DRGX: variants seen among roughly 807,000 people sequenced by gnomAD.
DRGX encodes dorsal root ganglia homeobox protein.
In DRGX, 21 loss-of-function variants were observed where a neutral mutation model predicts 28.6. The ratio of observed to expected loss-of-function variants is 0.73; its 90% CI spans 0.52 to 1.06. The LOEUF (loss-of-function observed/expected upper bound fraction) is 1.06, where lower values mean the gene tolerates loss of function less well. DRGX is among the 50% of genes least tolerant of loss of function. DRGX has a pLI of 0.00. For synonymous variants in DRGX, 136 were observed against 139.1 expected (o/e 0.98, Z 0.16); for missense variants, 354 against 343.9 (o/e 1.03, Z -0.23).
rs1420277850 is a variant in DRGX, at chr10:49,386,637, G to T, written c.413+43C>A. 6 of 1,583,928 alleles carry T rather than the reference G, an allele frequency of 3.8e-6. No homozygotes were observed. In the East Asian group the frequency reaches 1.3e-4, roughly 35 times the overall value. Reference sequence around the variant, plus strand: ...ATTGAGGTCTCGCCCTGTGTCTGCAGTGCTGCCCATGGCCCACCGGGCCCA... The same window carrying T: ...ATTGAGGTCTCGCCCTGTGTCTGCATTGCTGCCCATGGCCCACCGGGCCCA... On this transcript the variant is annotated intron_variant, in intron 5 of 6. Transcript: ENST00000374139.
At chr10:49,382,598 G>T (rs1374894413) in intron 6 of DRGX, among the ~76,000 whole-genome samples, 4 of 152,122 alleles carry the variant, frequency 2.6e-5, no homozygotes, top group Admixed American at 1.3e-4. Flanking sequence ...CTACAGCCTG[G>T]GGAAACCTAA....
At chr10:49,371,383 T>C (rs973259231) in intron 6 of DRGX, among the ~76,000 whole-genome samples, 1 of 152,198 alleles carries the variant, frequency 6.6e-6, no homozygotes, top group African/African-American at 2.4e-5. Flanking sequence ...CCAGGCACAG[T>C]GGCTCGCACC....
Position 49,366,176 on chromosome 10 carries a change from A to T in DRGX, c.732T>A (p.Asp244Glu). The change falls in exon 7 of 7, where the codon GAT becomes GAA. Residue 244 changes from aspartate (D) to glutamate (E), a missense_variant. Physicochemically the swap from Asp to Glu is conservative, Grantham distance 45 (BLOSUM62 2). Coordinates refer to ENST00000374139, the MANE Select transcript of DRGX (RefSeq NM_001276451.2). ...TGGGAGAGGTCTTTTCCTGGCTGCC[A>T]TCTGGGGGCGCCGGCTTGGCGACAG... is the stretch of plus-strand genomic sequence containing the variant. ...PGPVAKPAPP[D>E]GSQEKTSPTK... 6.2e-7 allele frequency: 1 copy of T among 1,612,604 alleles called. No individual in the cohort carries two copies. The highest frequency in any genetic ancestry group is 1.1e-5 in the South Asian group (1 of 90,944).
chr10:49,388,979 G>A (rs1369326117), intron 4 of DRGX, among the ~76,000 whole-genome samples: 1 of 152,136 alleles, frequency 6.6e-6, no homozygotes, highest in Non-Finnish European at 1.5e-5. Context: ...CTTTCAGGGA[G>A]AAGTTATGAT....
chr10:49,384,339 G>T (rs1177157604), intron 6 of DRGX, among the ~76,000 whole-genome samples: 1 of 152,206 alleles, frequency 6.6e-6, no homozygotes, highest in African/African-American at 2.4e-5. Flanking sequence ...CCATGCCCCT[G>T]ACTAGTCAGG....
Position 49,395,503 on chromosome 10 carries a change from G to C in DRGX, c.-63C>G, listed in dbSNP as rs1849958229. The stretch of plus-strand genomic sequence containing the variant: ...GAGGGTGGCAGCAGAACGGACCCGC[G>C]CGCGTTGCTCCTGCCTGGCTGCAAA... On this transcript the variant is annotated 5_prime_UTR_variant, in exon 2 of 7. Coordinates refer to ENST00000374139, the MANE Select transcript of DRGX (RefSeq NM_001276451.2). 6.5e-7 allele frequency: 1 copy of C among 1,529,390 alleles called. No individual in the cohort carries two copies. Among genetic ancestry groups the C allele is most frequent in the Non-Finnish European group, 8.8e-7 (1 of 1,129,974 alleles). 94.7% of individuals were successfully genotyped at this position (1,529,390 alleles called of 1,614,324 possible). A position where few individuals can be genotyped will look rare whatever the true frequency, so the allele number is the denominator to read the frequency against.
At chr10:49,391,065 C>G (rs149887276) in intron 3 of DRGX, 99 bp downstream of exon 3, 30 of 1,287,252 alleles carry the variant, frequency 2.3e-5, no homozygotes, top group Non-Finnish European at 3.3e-5. Context: ...TTAGCATAAT[C>G]AATTGGTCTT....
intron 3 of DRGX, among the ~76,000 whole-genome samples, chr10:49,390,520 A>G (rs1282097659): frequency 6.6e-6 from 1 of 152,198 alleles, no homozygotes; most frequent in African/African-American, 2.4e-5. Context: ...TGTCATAGGA[A>G]TCAAAAAAAA....
intron 6 of DRGX, among the ~76,000 whole-genome samples, chr10:49,383,959 C>G (rs976317975): frequency 4.6e-5 from 7 of 152,252 alleles, no homozygotes; most frequent in African/African-American, 1.7e-4. Context: ...TCCAGCTACT[C>G]TGGAAAATGC....
intron 2 of DRGX, chr10:49,391,951 C>T (rs1402450791): frequency 2.8e-5 from 13 of 460,516 alleles, no homozygotes; most frequent in African/African-American, 2.0e-5. Flanking sequence ...CAAGGCCACT[C>T]TCAAAGGGCA....
Position 49,392,814 on chromosome 10 carries a change from C to T in DRGX, c.35-1553G>A, listed in dbSNP as rs188779537. On this transcript the variant is annotated intron_variant, in intron 2 of 6. Transcript: ENST00000374139. Reference sequence around the variant, plus strand: ...TTTACTTAAAAATAAGTAGAATAGTCGATAATATTATGAAAATGCTAAACC... The same window carrying T: ...TTTACTTAAAAATAAGTAGAATAGTTGATAATATTATGAAAATGCTAAACC... Among the ~76,000 whole-genome samples the T allele has an allele frequency of 8.5e-5, 13 of 152,080 alleles. 1 individual carries two copies. Among genetic ancestry groups the T allele is most frequent in the South Asian group, 6.3e-4 (3 of 4,800 alleles).
At chr10:49,375,834 CA>C (rs1240487788) in intron 6 of DRGX, among the ~76,000 whole-genome samples, 1 of 152,172 alleles carries the variant, frequency 6.6e-6, no homozygotes, top group East Asian at 1.9e-4. Context: ...TGCCAATTCA[CA>C]CAACCCTCCC....
At chr10:49,385,605 C>T (rs921922678) in intron 6 of DRGX, among the ~76,000 whole-genome samples, 4 of 152,110 alleles carry the variant, frequency 2.6e-5, no homozygotes, top group African/African-American at 7.2e-5. Flanking sequence ...GTGTGTCCCA[C>T]CTGCTGGAGA....
chr10:49,385,762 A>C (rs1450453842), intron 6 of DRGX, among the ~76,000 whole-genome samples: 2 of 151,566 alleles, frequency 1.3e-5, no homozygotes, highest in East Asian at 3.9e-4. Context: ...CCTGTGACAA[A>C]CGAGCCCCCT....
At chr10:49,386,400 C>G in intron 6 of DRGX, 78 bp downstream of exon 6, 1 of 1,339,148 alleles carries the variant, frequency 7.5e-7, no homozygotes. Context: ...GACGGCCGAG[C>G]CAAGACCCAG....
chr10:49,368,379 A>G (rs1425294156), intron 6 of DRGX, among the ~76,000 whole-genome samples: 1 of 152,262 alleles, frequency 6.6e-6, no homozygotes, highest in Non-Finnish European at 1.5e-5. Flanking sequence ...GCACACACGC[A>G]CAGTGTGCAA....
chr10:49,365,403 C>T lies in DRGX; in HGVS notation c.*713G>A, dbSNP rs1381411944. ...TACAGGGGCCACACTAGTTCCACAC[C>T]CACAGTGTCAAGACAGCAGCCCCCA... On this transcript the variant is annotated 3_prime_UTR_variant, in exon 7 of 7. Transcript: ENST00000374139. 2 of 152,286 alleles carry T rather than the reference C, an allele frequency of 1.3e-5. No individual in the cohort carries two copies. The highest frequency in any genetic ancestry group is 4.8e-5 in the African/African-American group (2 of 41,428). The allele number at this position is 152,286 out of a possible 1,614,324, so 9.4% of individuals were successfully genotyped here.
intron 6 of DRGX, among the ~76,000 whole-genome samples, chr10:49,374,783 C>A (rs1371824351): frequency 6.6e-6 from 1 of 152,196 alleles, no homozygotes; most frequent in East Asian, 1.9e-4. Context: ...CTGCCAATAG[C>A]ACATTTTCAT....
At chr10:49,370,581 C>A (rs1034677676) in intron 6 of DRGX, among the ~76,000 whole-genome samples, 7 of 152,206 alleles carry the variant, frequency 4.6e-5, no homozygotes, top group Admixed American at 1.3e-4. Context: ...TGAGCCCTGG[C>A]CATCTGAAGG....
Sources: allele counts gnomAD v4.1 joint callset (sites outside exome capture counted in the v4.1 genomes callset), GRCh38; gene constraint gnomAD v4.1.1; transcripts MANE v1.5; gene names NCBI Gene and HGNC (gene_info 2026-07-23, HGNC 2026-07-21).